FAM151B: variants seen among roughly 807,000 people sequenced by gnomAD.
FAM151B encodes family with sequence similarity 151 member B, also known as protein FAM151B.
A neutral mutation model predicts 31.2 loss-of-function variants in FAM151B; 24 were observed. That is an observed-to-expected ratio of 0.77 (90% CI 0.56 to 1.08). FAM151B has a LOEUF of 1.08. Among genes scored for constraint, FAM151B ranks in the 50% least tolerant of loss-of-function variants. FAM151B has a pLI of 0.00. For missense variants in FAM151B, 293 were observed against 328.6 expected, an observed-to-expected ratio of 0.89 and a Z score of 0.84; for synonymous variants, 105 against 111.4, an observed-to-expected ratio of 0.94 and a Z score of 0.36.
chr5:80,498,423 A>G (rs1743626411), intron 1 of FAM151B: 3 of 394,720 alleles, frequency 7.6e-6, no homozygotes, highest in Non-Finnish European at 1.4e-5. Context: ...ATTCTCTGAT[A>G]TCTTATCAGC....
intron 5 of FAM151B, among the ~76,000 whole-genome samples, chr5:80,523,369 A>G (rs931807749): frequency 3.9e-5 from 6 of 152,304 alleles, no homozygotes; most frequent in Middle Eastern, 6.8e-3. Flanking sequence ...TGTTGCAGAG[A>G]ATAGTGGAAG....
rs189411572 is a variant in FAM151B at position 80,510,076 on chromosome 5, T to C, written c.152-3528T>C. 1.4e-3 allele frequency among the ~76,000 whole-genome samples: 218 copies of C among 152,340 alleles called. 4 individuals are homozygous for C. Among genetic ancestry groups the C allele is most frequent in the Non-Finnish European group, 1.0e-4 (7 of 68,030 alleles). ...GATATGGCAACACTCCACTTCCAGC[T>C]ACCTATTGCTTTTTATCTATTGCTG... On this transcript the variant is annotated intron_variant, in intron 2 of 5. Transcript: ENST00000282226.
intron 2 of FAM151B, chr5:80,506,158 C>A: frequency 1.0e-6 from 1 of 974,506 alleles, no homozygotes; most frequent in Non-Finnish European, 1.2e-6. Flanking sequence ...AGTTAATCAG[C>A]ACTTGAAGTT....
At chr5:80,536,584 T>G (rs535850362) in intron 5 of FAM151B, among the ~76,000 whole-genome samples, 1 of 152,180 alleles carries the variant, frequency 6.6e-6, no homozygotes, top group Non-Finnish European at 1.5e-5. Flanking sequence ...ATCGGAGAGA[T>G]AGCTGTACTT....
intron 1 of FAM151B, chr5:80,500,276 G>C: frequency 1.5e-6 from 1 of 669,068 alleles, no homozygotes; most frequent in South Asian, 1.6e-5. Flanking sequence ...ATGTAGGTTA[G>C]AGCATACAGA....
intron 1 of FAM151B, among the ~76,000 whole-genome samples, chr5:80,493,842 C>T (rs922305899): frequency 6.6e-6 from 1 of 152,128 alleles, no homozygotes; most frequent in Admixed American, 6.5e-5. Flanking sequence ...TTTGCCTTGC[C>T]TTGTGATCTT....
At chr5:80,528,042 C>T (rs1745049725) in intron 5 of FAM151B, among the ~76,000 whole-genome samples, 1 of 151,826 alleles carries the variant, frequency 6.6e-6, no homozygotes, top group African/African-American at 2.4e-5. Context: ...TTTTTTTAAA[C>T]TTTTAAAATA....
chr5:80,496,799 A>ATT (rs367658683), intron 1 of FAM151B, among the ~76,000 whole-genome samples: 8 of 57,762 alleles, frequency 1.4e-4, no homozygotes, highest in Admixed American at 2.9e-4. Flanking sequence ...TTTTTGCTTA[A>ATT]TTTTTTTTTT....
chr5:80,541,479 A>G (rs1299240435), intron 5 of FAM151B, among the ~76,000 whole-genome samples, 194 bp from the exon 6 acceptor site: 1 of 152,242 alleles, frequency 6.6e-6, no homozygotes, highest in Non-Finnish European at 1.5e-5. Context: ...CAACAGCAGT[A>G]TGAATGTTTT....
intron 3 of FAM151B, 94 bp downstream of exon 3, chr5:80,513,863 A>G (rs1014193977): frequency 1.7e-6 from 2 of 1,163,196 alleles, no homozygotes; most frequent in African/African-American, 3.1e-5. Flanking sequence ...TGAAAATGGA[A>G]TTGTAGACTC....
At chr5:80,538,456 T>TCTCTC (rs1561383631) in intron 5 of FAM151B, among the ~76,000 whole-genome samples, 31 of 59,654 alleles carry the variant, frequency 5.2e-4, no homozygotes, top group East Asian at 1.6e-3. Context: ...TTCTCTTTCT[T>TCTCTC]TCTTTCTTTC....
intron 5 of FAM151B, among the ~76,000 whole-genome samples, chr5:80,539,536 A>G (rs891466396): frequency 6.6e-6 from 1 of 152,034 alleles, no homozygotes; most frequent in African/African-American, 2.4e-5. Flanking sequence ...CTGTAGCCCA[A>G]GCTGGAGTGC....
At chr5:80,507,092 C>G (rs1202236402) in intron 2 of FAM151B, among the ~76,000 whole-genome samples, 8 of 145,628 alleles carry the variant, frequency 5.5e-5, no homozygotes, top group Non-Finnish European at 1.0e-4. Flanking sequence ...GCACTCCAGC[C>G]TGGGTAACAG....
At chr5:80,527,183 G>C (rs1165182369) in intron 5 of FAM151B, among the ~76,000 whole-genome samples, 1 of 152,134 alleles carries the variant, frequency 6.6e-6, no homozygotes, top group Non-Finnish European at 1.5e-5. Flanking sequence ...AGCACTTTGA[G>C]AGGCCAAGGT....
chr5:80,533,202 C>T (rs1745327693), intron 5 of FAM151B, among the ~76,000 whole-genome samples: 1 of 151,490 alleles, frequency 6.6e-6, no homozygotes, highest in African/African-American at 2.4e-5. Context: ...ATAGTGAAAC[C>T]CCGTCTCTAC....
intron 5 of FAM151B, among the ~76,000 whole-genome samples, chr5:80,532,378 A>T (rs1287077431): frequency 6.6e-6 from 1 of 152,218 alleles, no homozygotes; most frequent in Non-Finnish European, 1.5e-5. Context: ...ATAAAAAAAA[A>T]TGTCAACACA....
At chr5:80,527,158 C>T (rs1181495471) in intron 5 of FAM151B, among the ~76,000 whole-genome samples, 3 of 152,168 alleles carry the variant, frequency 2.0e-5, no homozygotes, top group Non-Finnish European at 4.4e-5. Flanking sequence ...CACAGTGGCT[C>T]AGGCCTGTAA....
intron 3 of FAM151B, among the ~76,000 whole-genome samples, chr5:80,515,294 C>T (rs1467456058): frequency 6.6e-6 from 1 of 151,970 alleles, no homozygotes; most frequent in East Asian, 1.9e-4. Flanking sequence ...TTTGAGTTAT[C>T]AATGGTTCAA....
intron 5 of FAM151B, among the ~76,000 whole-genome samples, chr5:80,539,490 T>C (rs1188159688): frequency 6.6e-6 from 1 of 152,156 alleles, no homozygotes; most frequent in Non-Finnish European, 1.5e-5. Flanking sequence ...TGTTTTGTTC[T>C]TGTTTTTGTT....
Sources: gnomAD v4.1 joint callset for allele counts (sites outside exome capture counted in the v4.1 genomes callset) on GRCh38, gnomAD v4.1.1 for gene constraint, MANE v1.5 for transcripts, NCBI Gene and HGNC (gene_info 2026-07-23, HGNC 2026-07-21) for gene names.